Variants in ERCC2 observed in about 807,000 individuals in gnomAD.
ERCC2 encodes the protein ERCC excision repair 2, TFIIH core complex helicase subunit.
In ERCC2, 90 loss-of-function variants were observed where a neutral mutation model predicts 99.4. That is an observed-to-expected ratio of 0.91 (90% confidence interval 0.76 to 1.08). The LOEUF (loss-of-function observed/expected upper bound fraction) is 1.08. Among genes scored for constraint, ERCC2 ranks in the 50% least tolerant of loss-of-function variants. The probability of loss-of-function intolerance (pLI) is 0.00; values close to 1 mark genes in which losing one functional copy is unlikely to be tolerated. For missense variants in ERCC2, 993 were observed against 1,038.1 expected, an observed-to-expected ratio of 0.96 and a Z score of 0.60; for synonymous variants, 497 against 432.4, an observed-to-expected ratio of 1.15 and a Z score of -1.85.
At position 45,352,203 on chromosome 19, in the gene ERCC2, C is replaced by A; in HGVS notation, c.2190+6G>T. On this transcript the variant is annotated splice_donor_region_variant and intron_variant, in intron 22 of 22. Transcript: ENST00000391945. ...GAGGGTGCCGGGAGGGGGACGCAGG[C>A]CTCACCCGGTGGAAGGGCTGTGCCA... 6.2e-7 allele frequency: 1 copy of A among 1,613,408 alleles called. No individual in the cohort carries two copies. The highest frequency in any genetic ancestry group is 8.5e-7 in the Non-Finnish European group (1 of 1,179,896).
At position 45,364,087 on chromosome 19, in the gene ERCC2, T is replaced by G; in HGVS notation, c.848A>C (p.Asp283Ala). ...CCCCTCCACCAGACGCCGGTACTCG[T>G]CCCGCAGGCGCTGCTCGTCTGTCTC... The part of the protein sequence containing the change: ...IKETDEQRLR[D>A]EYRRLVEGLR... Residue 283 changes from aspartate (D) to alanine (A), a missense_variant, in exon 10 of 23, where the codon GAC becomes GCC. This residue lies in a region of ERCC2 where 909 missense variants were observed against 930.8 expected (regional missense o/e 0.98). Transcript: ENST00000391945. 6.2e-7 allele frequency: 1 copy of G among 1,602,526 alleles called. No individual in the cohort carries two copies. The highest frequency in any genetic ancestry group is 1.1e-5 in the South Asian group (1 of 89,732).
At chr19:45,358,716 C>G in intron 12 of ERCC2, 1 of 696,302 alleles carries the variant, frequency 1.4e-6, no homozygotes, top group Non-Finnish European at 2.7e-6. Flanking sequence ...AGGCCCTCCC[C>G]AGCCACCTTT....
In ERCC2 at chr19:45,350,446, C is replaced by A. The variant is rs1971679463; in HGVS notation, c.*1183G>T. ...CGCCCCTCTCGGTGAGCCCCTAGCCCCTGTCTGTCTTCCCTCCTGGTGGCT... is the reference window on the plus strand; with the variant it reads ...CGCCCCTCTCGGTGAGCCCCTAGCCACTGTCTGTCTTCCCTCCTGGTGGCT... On this transcript the variant is annotated 3_prime_UTR_variant, in exon 23 of 23. Transcript: ENST00000391945. 1 of 1,613,202 alleles carries A rather than the reference C, an allele frequency of 6.2e-7. No individual in the cohort carries two copies.
At position 45,351,824 on chromosome 19, in the gene ERCC2, GATGTTTGA is replaced by G. The variant is rs1971798803; in HGVS notation, c.2191-111_2191-104del. On this transcript the variant is annotated intron_variant, in intron 22 of 22. Coordinates refer to ENST00000391945, the MANE Select transcript of ERCC2 (RefSeq NM_000400.4). ...CCCCCCGAATGGCCAGTAGGGACAG[GATGTTTGA>G]ATGAATTTGGAGATGTCCGTATAAT... 7.9e-6 allele frequency: 8 copies of G among 1,012,228 alleles called. No homozygotes were observed. The Admixed American group carries it at 1.5e-4, about 19-fold the overall frequency. 62.7% of individuals were successfully genotyped at this position (1,012,228 alleles called of 1,614,324 possible). A position where few individuals can be genotyped will look rare whatever the true frequency, so the allele number is the denominator to read the frequency against.
In ERCC2 at chr19:45,365,090, C is replaced by G. The variant is rs1265802936; in HGVS notation, c.429G>C (p.Arg143=). 1.2e-6 allele frequency: 2 copies of G among 1,614,090 alleles called. No homozygotes were observed. The highest frequency in any genetic ancestry group is 4.5e-5 in the East Asian group (2 of 44,894). Residue 143 remains arginine, a synonymous_variant, in exon 6 of 23, where the codon CGG becomes CGC. Transcript: ENST00000391945. ...KCHSLTASYV[R]AQYQHDTSLP... ...GGCTGGTGTCATGCTGGTACTGCGCCCGCACATAGGAGGCTGTGAGGCTGT... is the reference window on the plus strand; with the variant it reads ...GGCTGGTGTCATGCTGGTACTGCGCGCGCACATAGGAGGCTGTGAGGCTGT...
chr19:45,359,986 G>A (rs1972156279), intron 12 of ERCC2, among the ~76,000 whole-genome samples: 1 of 151,896 alleles, frequency 6.6e-6, no homozygotes. Context: ...TATTGGTCAG[G>A]CTGGTCTCGA....
chr19:45,365,077 G>A lies in ERCC2; in HGVS notation c.442C>T (p.His148Tyr), dbSNP rs201382232. 5.7e-5 allele frequency: 92 copies of A among 1,614,162 alleles called. No homozygotes were observed. In the Middle Eastern group the frequency reaches 3.6e-3, roughly 64 times the overall value. The change falls in exon 6 of 23, where the codon CAT (histidine) becomes TAT (tyrosine). Residue 148 changes from histidine (H) to tyrosine (Y), a missense_variant. By Grantham distance (83) the His-to-Tyr change is moderately conservative. This residue lies in a region of ERCC2 where 909 missense variants were observed against 930.8 expected (regional missense o/e 0.98). Coordinates refer to ENST00000391945, the MANE Select transcript of ERCC2 (RefSeq NM_000400.4). ...CGGCAGTGGGGCAGGCTGGTGTCAT[G>A]CTGGTACTGCGCCCGCACATAGGAG... ...TASYVRAQYQ[H>Y]DTSLPHCRFY...
chr19:45,353,420 C>A (rs1484296880), intron 17 of ERCC2, 86 bp from the exon 18 acceptor site: 1 of 872,770 alleles, frequency 1.1e-6, no homozygotes, highest in Non-Finnish European at 1.9e-6. Context: ...TCCCACATCA[C>A]CATGTCTCTG....
At chr19:45,352,137 G>C in intron 22 of ERCC2, 72 bp downstream of exon 22, 1 of 1,544,398 alleles carries the variant, frequency 6.5e-7, no homozygotes. Context: ...GGGGAGTGGG[G>C]AGAATCCAAG....
At chr19:45,361,425 C>G in intron 12 of ERCC2, 99 bp downstream of exon 12, 2 of 883,778 alleles carry the variant, frequency 2.3e-6, no homozygotes, top group Non-Finnish European at 1.9e-6. Context: ...CCAAACCCCA[C>G]AAAGCCCTGT....
At position 45,364,478 on chromosome 19, in the gene ERCC2, A is replaced by G. The variant is rs778633467; in HGVS notation, c.664T>C (p.Ser222Pro). The G allele has an allele frequency of 5.6e-6, 9 of 1,613,942 alleles. No homozygotes were observed. Among genetic ancestry groups the G allele is most frequent in the Non-Finnish European group, 7.6e-6 (9 of 1,179,988 alleles). ...ACGGCCTTGCGGGCCAGTTCCTTGG[A>G]CACCAGGTCTGCAATCTTGGGGTCC... ...LLDPKIADLV[S>P]KELARKAVVV... The change falls in exon 8 of 23, where the codon TCC becomes CCC. Residue 222 changes from serine (S) to proline (P), a missense_variant. Physicochemically the swap from Ser to Pro is moderately conservative, Grantham distance 74. Coordinates refer to ENST00000391945, the MANE Select transcript of ERCC2 (RefSeq NM_000400.4).
Position 45,352,749 on chromosome 19 carries a change from G to A in ERCC2, c.1899C>T (p.Leu633=), listed in dbSNP as rs1356687641. ...CCTGGGAGACAGAGCTACTCACCTT[G>A]AGAATGCGGCTCTGTGTGTAGACGT... ...VPYVYTQSRI[L]KARLEYLRDQ... Residue 633 remains leucine (L), a synonymous_variant, in exon 20 of 23, where the codon CTC becomes CTT. Coordinates refer to ENST00000391945, the MANE Select transcript of ERCC2 (RefSeq NM_000400.4). The A allele has an allele frequency of 3.1e-6, 5 of 1,613,888 alleles. No homozygotes were observed. The highest frequency in any genetic ancestry group is 4.2e-6 in the Non-Finnish European group (5 of 1,179,954).
At position 45,368,917 on chromosome 19, in the gene ERCC2, A is replaced by G. The variant is rs780226650; in HGVS notation, c.246+13T>C. 1.9e-6 allele frequency: 3 copies of G among 1,613,420 alleles called. No homozygotes were observed. The African/African-American group carries it at 4.0e-5, about 22-fold the overall frequency. ...ACAGTGGGGCTGGAGCACCAGGATG[A>G]GTCCCAGCTTACCTTCTCAATCTCT... On this transcript the variant is annotated intron_variant, in intron 4 of 22. Coordinates refer to ENST00000391945, the MANE Select transcript of ERCC2 (RefSeq NM_000400.4).
At chr19:45,354,066 C>T (rs978903517) in intron 17 of ERCC2, among the ~76,000 whole-genome samples, 2 of 152,184 alleles carry the variant, frequency 1.3e-5, no homozygotes, top group Admixed American at 6.5e-5. Flanking sequence ...ATGACGTTCC[C>T]GCCTCCCATG....
chr19:45,363,330 T>C (rs1490874503), intron 11 of ERCC2, among the ~76,000 whole-genome samples: 1 of 152,052 alleles, frequency 6.6e-6, no homozygotes, highest in East Asian at 1.9e-4. Context: ...CTGGTACTGG[T>C]TTCTGCTCCC....
At chr19:45,365,400 A>T (rs1272675467) in intron 5 of ERCC2, among the ~76,000 whole-genome samples, 1 of 152,160 alleles carries the variant, frequency 6.6e-6, no homozygotes, top group African/African-American at 2.4e-5. Context: ...GCAGATCACG[A>T]GGTCAGGAGT....
Position 45,364,413 on chromosome 19 carries a change from G to GC in ERCC2, c.718+10dup, listed in dbSNP as rs56298227. 12 of 1,613,720 alleles carry GC rather than the reference G, an allele frequency of 7.4e-6. No individual in the cohort carries two copies. The highest frequency in any genetic ancestry group is 1.6e-4 in the Middle Eastern group (1 of 6,072). On this transcript the variant is annotated intron_variant, in intron 8 of 22. Transcript: ENST00000391945. The stretch of plus-strand genomic sequence containing the variant: ...GGCTGGCATCCCTTTGGCCCCTGGC[G>GC]CCCCCCTCACCAATGTTGTGGGCCT...
At chr19:45,366,205 C>T (rs778901402) in intron 5 of ERCC2, among the ~76,000 whole-genome samples, 4 of 151,390 alleles carry the variant, frequency 2.6e-5, no homozygotes, top group Non-Finnish European at 4.4e-5. Flanking sequence ...TGCAATGGCA[C>T]GATCTTGGCT....
At chr19:45,354,437 C>T (rs1226803823) in intron 17 of ERCC2, among the ~76,000 whole-genome samples, 1 of 152,166 alleles carries the variant, frequency 6.6e-6, no homozygotes, top group Non-Finnish European at 1.5e-5. Context: ...GATGGGTAAC[C>T]CCAAAAGCAG....
Sources: allele counts gnomAD v4.1 joint callset (sites outside exome capture counted in the v4.1 genomes callset), GRCh38; gene constraint gnomAD v4.1.1; regional missense constraint gnomAD v4.1.1; transcripts MANE v1.5; gene names NCBI Gene and HGNC (gene_info 2026-07-23, HGNC 2026-07-21).